The following CHRNB3 variants were observed in gnomAD, a reference collection of about 807,000 sequenced individuals.
CHRNB3 encodes the protein neuronal acetylcholine receptor subunit beta-3.
In CHRNB3, 37 loss-of-function variants were observed where a neutral mutation model predicts 40.6. The observed-to-expected ratio is 0.91, with a 90% CI of 0.70 to 1.20. The LOEUF is 1.20. Ranked by LOEUF, CHRNB3 falls within the 50% of genes most tolerant of loss-of-function variation. The probability of loss-of-function intolerance (pLI) is 0.00; values close to 1 mark genes in which losing one functional copy is unlikely to be tolerated. For missense variants in CHRNB3, 505 were observed against 551.2 expected, an observed-to-expected ratio of 0.92 and a Z score of 0.84; for synonymous variants, 207 against 207.1, an observed-to-expected ratio of 1.00 and a Z score of 0.00.
chr8:42,701,731 CCTGA>C (rs1433191258), intron 1 of CHRNB3, among the ~76,000 whole-genome samples: 1 of 152,202 alleles, frequency 6.6e-6, no homozygotes, highest in Non-Finnish European at 1.5e-5. Context: ...GTTACTTTTA[CCTGA>C]CTGCTCTGTT....
intron 3 of CHRNB3, among the ~76,000 whole-genome samples, chr8:42,729,678 C>T (rs903725469): frequency 3.3e-5 from 5 of 152,098 alleles, no homozygotes; most frequent in Non-Finnish European, 2.9e-5. Context: ...CTCCGGGAAG[C>T]GTCATGCTGG....
chr8:42,713,371 G>A (rs922340218), intron 3 of CHRNB3, among the ~76,000 whole-genome samples: 35 of 152,058 alleles, frequency 2.3e-4, no homozygotes, highest in Admixed American at 2.2e-3. Flanking sequence ...CAGAAGACTG[G>A]TGGGTGTCTT....
Position 42,710,404 on chromosome 8 carries a change from G to C in CHRNB3, c.219G>C (p.Gln73His). 1.2e-6 allele frequency: 2 copies of C among 1,609,616 alleles called. No individual in the cohort carries two copies. Among genetic ancestry groups the C allele is most frequent in the Non-Finnish European group, 1.7e-6 (2 of 1,177,290 alleles). ...SQLVDVDEKN[Q>H]LMTTNVWLKQ... ...CATTTTCTTAGGATGAAAAGAATCA[G>C]CTGATGACAACCAATGTGTGGCTCA... Residue 73 changes from glutamine to histidine, a missense_variant, in exon 3 of 6, where the codon CAG becomes CAC. Physicochemically the swap from Gln to His is conservative, Grantham distance 24. Coordinates refer to ENST00000289957, the MANE Select transcript of CHRNB3 (RefSeq NM_000749.5).
At chr8:42,707,442 C>A (rs1000833576) in intron 1 of CHRNB3, among the ~76,000 whole-genome samples, 7 of 152,186 alleles carry the variant, frequency 4.6e-5, no homozygotes, top group African/African-American at 1.7e-4. Flanking sequence ...TAATCGGGTG[C>A]TGAACAGACA....
intron 3 of CHRNB3, chr8:42,725,768 G>T (rs58205452): frequency 0.045 from 40,647 of 909,318 alleles, 1,391 homozygotes; most frequent in Middle Eastern, 0.1. Flanking sequence ...ACTTGTCCAC[G>T]TTTCAAAATG....
At chr8:42,702,688 G>A (rs1244076679) in intron 1 of CHRNB3, among the ~76,000 whole-genome samples, 5 of 151,972 alleles carry the variant, frequency 3.3e-5, no homozygotes, top group Non-Finnish European at 4.4e-5. Context: ...GCTTGAACCC[G>A]GGAAGCAGAG....
At chr8:42,700,019 C>CT (rs573615558) in intron 1 of CHRNB3, among the ~76,000 whole-genome samples, 373 of 140,842 alleles carry the variant, frequency 2.6e-3, no homozygotes, top group Middle Eastern at 3.7e-3. Flanking sequence ...AATTTCTTTT[C>CT]TTTTTTTTTT....
Position 42,697,491 on chromosome 8 carries a change from T to A in CHRNB3, c.-56T>A. 1 of 1,498,496 alleles carries A rather than the reference T, an allele frequency of 6.7e-7. No homozygotes were observed. Among genetic ancestry groups the A allele is most frequent in the East Asian group, 2.3e-5 (1 of 44,092 alleles). The allele number at this position is 1,498,496 out of a possible 1,614,324, so 92.8% of individuals were successfully genotyped here. On this transcript the variant is annotated 5_prime_UTR_variant, in exon 1 of 6. Transcript: ENST00000289957. The stretch of plus-strand genomic sequence containing the variant: ...TTCTTTTCAAAACCCCCTTTTCCAG[T>A]GGAAATGCTCTGTTGTTAAAAAGGA...
At chr8:42,716,697 G>T (rs550709924) in intron 3 of CHRNB3, among the ~76,000 whole-genome samples, 2 of 152,216 alleles carry the variant, frequency 1.3e-5, no homozygotes, top group South Asian at 2.1e-4. Context: ...CTGACATGGT[G>T]CCGTGGTGGC....
chr8:42,698,046 A>T (rs1421661911), intron 1 of CHRNB3, among the ~76,000 whole-genome samples: 7 of 152,226 alleles, frequency 4.6e-5, no homozygotes, highest in Admixed American at 4.6e-4. Context: ...ATATTTTAAT[A>T]AATCTGTGTA....
At chr8:42,731,536 T>C (rs1015646871) in intron 4 of CHRNB3, 131 bp from the exon 5 acceptor site, 8 of 1,035,352 alleles carry the variant, frequency 7.7e-6, no homozygotes, top group African/African-American at 4.9e-5. Context: ...GCCCGGGCGA[T>C]AGAGTGAGAC....
At chr8:42,707,819 A>G (rs62516744) in intron 1 of CHRNB3, among the ~76,000 whole-genome samples, 7,061 of 152,326 alleles carry the variant, frequency 0.046, 192 homozygotes, top group Middle Eastern at 0.11. Flanking sequence ...GCTGGTGTTC[A>G]GTGACCATGT....
chr8:42,706,688 G>C (rs2128904936), intron 1 of CHRNB3, among the ~76,000 whole-genome samples: 1 of 152,244 alleles, frequency 6.6e-6, no homozygotes, highest in Non-Finnish European at 1.5e-5. Flanking sequence ...CTGACACCCT[G>C]GTGGCTGCCC....
intron 3 of CHRNB3, among the ~76,000 whole-genome samples, chr8:42,718,710 G>A (rs1036394029): frequency 6.8e-6 from 1 of 147,940 alleles, no homozygotes; most frequent in African/African-American, 2.5e-5. Context: ...AGAATAATTC[G>A]GGGACTTTTT....
chr8:42,707,303 G>C (rs1815936938), intron 1 of CHRNB3, among the ~76,000 whole-genome samples: 1 of 152,184 alleles, frequency 6.6e-6, no homozygotes, highest in African/African-American at 2.4e-5. Flanking sequence ...AGAATCCCTG[G>C]ATTTTGAGTG....
At chr8:42,714,764 A>C (rs1816073339) in intron 3 of CHRNB3, 1 of 152,232 alleles carries the variant, frequency 6.6e-6, no homozygotes, top group African/African-American at 2.4e-5. Context: ...TTCTATTATA[A>C]TCCTAACTTT....
At chr8:42,720,414 C>A (rs1213667498) in intron 3 of CHRNB3, among the ~76,000 whole-genome samples, 1 of 151,964 alleles carries the variant, frequency 6.6e-6, no homozygotes, top group African/African-American at 2.4e-5. Flanking sequence ...GCGCCCAGCC[C>A]TCAGACTGCT....
At chr8:42,699,956 CA>C (rs1815753713) in intron 1 of CHRNB3, among the ~76,000 whole-genome samples, 1 of 144,486 alleles carries the variant, frequency 6.9e-6, no homozygotes, top group Non-Finnish European at 1.5e-5. Context: ...GGCATCAAAG[CA>C]AAAAAATCCA....
chr8:42,731,636 G>A, intron 4 of CHRNB3, 31 bp from the exon 5 acceptor site: 2 of 1,548,954 alleles, frequency 1.3e-6, no homozygotes, highest in South Asian at 1.2e-5. Context: ...GTGCTCCACC[G>A]ACTGCTAAGG....
Sources: gnomAD v4.1 joint callset for allele counts (sites outside exome capture counted in the v4.1 genomes callset) on GRCh38, gnomAD v4.1.1 for gene constraint, MANE v1.5 for transcripts, NCBI Gene and HGNC (gene_info 2026-07-23, HGNC 2026-07-21) for gene names.